UGT1A9: variants seen among roughly 807,000 people sequenced by gnomAD.
The protein encoded by UGT1A9 is UDP-glucuronosyltransferase 1A9.
Under a neutral mutation model 45.0 loss-of-function variants are expected in UGT1A9, and 35 were observed. That is an observed-to-expected ratio of 0.78 (90% CI 0.59 to 1.03). The LOEUF is 1.03. UGT1A9 is among the 50% of genes least tolerant of loss of function. The pLI is 0.00. For missense variants in UGT1A9, 687 were observed against 666.6 expected (o/e 1.03, Z -0.34); for synonymous variants, 278 against 250.6 (o/e 1.11, Z -1.03).
intron 1 of UGT1A9, among the ~76,000 whole-genome samples, chr2:233,681,164 C>T (rs1048754023): frequency 4.0e-5 from 6 of 151,668 alleles, no homozygotes; most frequent in East Asian, 2.0e-4. Context: ...AGGAGGTCAA[C>T]GCTAAGACCC....
intron 1 of UGT1A9, chr2:233,721,912 C>A: frequency 2.3e-6 from 1 of 427,588 alleles, no homozygotes; most frequent in Non-Finnish European, 4.7e-6. Flanking sequence ...GTGCACACTG[C>A]TTCCATAAAG....
intron 4 of UGT1A9, chr2:233,771,569 G>A (rs1337987311): frequency 6.6e-6 from 1 of 152,150 alleles, no homozygotes; most frequent in Non-Finnish European, 1.5e-5. Flanking sequence ...GGCCAGAGGT[G>A]GTTGTTTACA....
At chr2:233,685,745 T>C (rs1337850077) in intron 1 of UGT1A9, among the ~76,000 whole-genome samples, 1 of 152,248 alleles carries the variant, frequency 6.6e-6, no homozygotes, top group Non-Finnish European at 1.5e-5. Context: ...CCATTTTTTC[T>C]TCCATTTTAA....
intron 1 of UGT1A9, chr2:233,721,988 G>A (rs1184404507): frequency 1.1e-5 from 3 of 269,960 alleles, no homozygotes; most frequent in African/African-American, 2.2e-5. Context: ...GTAGTTTCAC[G>A]AATGTCCTTT....
At chr2:233,729,097 G>A in intron 1 of UGT1A9, 5 of 1,612,664 alleles carry the variant, frequency 3.1e-6, no homozygotes, top group Non-Finnish European at 4.2e-6. Flanking sequence ...GCGTGGGGTG[G>A]ACAGTCAGCT....
chr2:233,769,913 C>T lies in UGT1A9; in HGVS notation c.1295+1474C>T, dbSNP rs1699980310. 1.3e-5 allele frequency: 4 copies of T among 297,694 alleles called. No homozygotes were observed. The highest frequency in any genetic ancestry group is 6.9e-5 in the East Asian group (1 of 14,586). 18.4% of individuals were successfully genotyped at this position (297,694 alleles called of 1,614,324 possible). ...TAACCTGAGCATCATGTGCCCAGAG[C>T]GTTGGGTGGTGTGGTCCCATTCCTT... On this transcript the variant is annotated intron_variant, in intron 4 of 4. Transcript: ENST00000354728. The surrounding 1 kb of genome is among the most constrained non-coding windows in gnomAD (Gnocchi z 4.4).
chr2:233,728,185 C>T (rs1270906872), intron 1 of UGT1A9, among the ~76,000 whole-genome samples: 1 of 152,200 alleles, frequency 6.6e-6, no homozygotes, highest in African/African-American at 2.4e-5. Flanking sequence ...CTTATCAGAA[C>T]TTGGTGCTGG....
At chr2:233,753,560 A>T (rs949425107) in intron 1 of UGT1A9, 1 of 152,242 alleles carries the variant, frequency 6.6e-6, no homozygotes, top group African/African-American at 2.4e-5. Flanking sequence ...TGACCCTAGA[A>T]GATGGGACCC....
At chr2:233,719,837 GT>G in intron 1 of UGT1A9, 1 of 1,534,622 alleles carries the variant, frequency 6.5e-7, no homozygotes, top group Non-Finnish European at 8.8e-7. Flanking sequence ...GGGGCCTAGT[GT>G]ATTTCAAGTT....
chr2:233,760,737 G>A (rs561827445), intron 1 of UGT1A9: 10 of 1,614,138 alleles, frequency 6.2e-6, no homozygotes, highest in South Asian at 4.4e-5. Context: ...TCATGCTGAC[G>A]GACCCTTTCC....
intron 1 of UGT1A9, among the ~76,000 whole-genome samples, chr2:233,757,562 G>GTATATATATATATATATATATATACATA (rs1491042837): frequency 2.2e-5 from 2 of 90,870 alleles, no homozygotes; most frequent in African/African-American, 1.0e-4. Flanking sequence ...ATATATATAT[G>GTATATATATATATATATATATATACATA]TATATATGAT....
chr2:233,685,757 G>T (rs529192203), intron 1 of UGT1A9, among the ~76,000 whole-genome samples: 1 of 152,176 alleles, frequency 6.6e-6, no homozygotes, highest in African/African-American at 2.4e-5. Context: ...CCATTTTAAA[G>T]AAAAATTTTG....
In UGT1A9 at chr2:233,682,681, A is replaced by G. The variant is rs771388089; in HGVS notation, c.855+9892A>G. On this transcript the variant is annotated intron_variant, in intron 1 of 4. Coordinates refer to ENST00000354728, the MANE Select transcript of UGT1A9 (RefSeq NM_021027.3). ...CGGCATATGATCTCTACAGCCACAC[A>G]TCAATTTGGTTGTTGCGAACTGACT... The G allele has an allele frequency of 1.2e-5, 19 of 1,613,742 alleles. No homozygotes were observed. The Admixed American group carries it at 3.2e-4, about 27-fold the overall frequency.
chr2:233,767,305 G>GT (rs1444114295), intron 2 of UGT1A9, 140 bp downstream of exon 2: 37 of 1,518,952 alleles, frequency 2.4e-5, no homozygotes, highest in Admixed American at 1.8e-4. Flanking sequence ...TAATCCAAAG[G>GT]TTTTTTTTGT....
chr2:233,757,562 G>GTATATA (rs1491042837), intron 1 of UGT1A9, among the ~76,000 whole-genome samples: 1 of 90,870 alleles, frequency 1.1e-5, no homozygotes, highest in African/African-American at 5.1e-5. Flanking sequence ...ATATATATAT[G>GTATATA]TATATATGAT....
At chr2:233,718,929 G>C in intron 1 of UGT1A9, 1 of 1,614,160 alleles carries the variant, frequency 6.2e-7, no homozygotes, top group Non-Finnish European at 8.5e-7. Context: ...GGTGCCCACT[G>C]ATGGCAGCCC....
chr2:233,762,815 T>C (rs1334118608), intron 1 of UGT1A9, among the ~76,000 whole-genome samples: 4 of 152,182 alleles, frequency 2.6e-5, no homozygotes, highest in Non-Finnish European at 5.9e-5. Flanking sequence ...ATCAAAATAT[T>C]GATTTTCATA....
chr2:233,709,869 A>G (rs367805568), intron 1 of UGT1A9, among the ~76,000 whole-genome samples: 2 of 152,200 alleles, frequency 1.3e-5, no homozygotes, highest in African/African-American at 4.8e-5. Flanking sequence ...GCACTCCATT[A>G]CCCAGTAACT....
At chr2:233,685,105 A>G (rs1206103329) in intron 1 of UGT1A9, among the ~76,000 whole-genome samples, 1 of 152,196 alleles carries the variant, frequency 6.6e-6, no homozygotes, top group East Asian at 1.9e-4. Flanking sequence ...ACAAAATCTT[A>G]TTGAGTCTAT....
Sources: gnomAD v4.1 joint callset for allele counts (sites outside exome capture counted in the v4.1 genomes callset) on GRCh38, gnomAD v4.1.1 for gene constraint, Gnocchi (gnomAD v3.1) non-coding constraint, MANE v1.5 for transcripts, NCBI Gene and HGNC (gene_info 2026-07-23, HGNC 2026-07-21) for gene names.